Variants in MAX observed in about 807,000 individuals in gnomAD.
The protein encoded by MAX is MYC associated transcriptional regulator X.
A neutral mutation model predicts 22.3 loss-of-function variants in MAX; 3 were observed. That is an observed-to-expected ratio of 0.13 (90% CI 0.06 to 0.35). The LOEUF (loss-of-function observed/expected upper bound fraction) is 0.35, where lower values mean the gene tolerates loss of function less well. Among genes scored for constraint, MAX ranks in the 10% least tolerant of loss-of-function variants. MAX has a pLI of 1.00. For missense variants in MAX, 119 were observed against 209.4 expected (o/e 0.57, Z 2.66); for synonymous variants, 72 against 77.7 (o/e 0.93, Z 0.39).
intron 3 of MAX, among the ~76,000 whole-genome samples, chr14:65,087,712 C>T (rs1057510076): frequency 1.3e-4 from 20 of 152,138 alleles, no homozygotes; most frequent in Non-Finnish European, 8.8e-5. Flanking sequence ...CTTGTCTTGT[C>T]CCAGATGAGA....
intron 3 of MAX, among the ~76,000 whole-genome samples, chr14:65,052,281 C>A (rs138547754): frequency 4.2e-4 from 64 of 152,210 alleles, no homozygotes; most frequent in Non-Finnish European, 7.8e-4. Context: ...ATAAGCTACA[C>A]AGTTATAATA....
chr14:65,033,656 G>A (rs1417969557), intron 3 of MAX, among the ~76,000 whole-genome samples: 1 of 152,180 alleles, frequency 6.6e-6, no homozygotes, highest in Non-Finnish European at 1.5e-5. Flanking sequence ...AGGAAATCGA[G>A]ACCATCCTGG....
Position 65,054,139 on chromosome 14 carries a change from G to T in MAX, c.171+39569C>A, listed in dbSNP as rs2062675577. ...TTGTATTTTACTTTTTTGAGACAGG[G>T]TCTCACTCTGTCACCCAGGCTGGAG... On this transcript the variant is annotated intron_variant, in intron 3 of 3. Transcript: ENST00000341653. The surrounding 1 kb of genome is among the most constrained non-coding windows in gnomAD (Gnocchi z 4.4). Among the ~76,000 whole-genome samples, 2 of 151,868 alleles carry T rather than the reference G, an allele frequency of 1.3e-5. No homozygotes were observed. The highest frequency in any genetic ancestry group is 4.8e-5 in the African/African-American group (2 of 41,316).
At position 65,077,882 on chromosome 14, in the gene MAX, G is replaced by C. The variant is rs568585284; in HGVS notation, c.295+31C>G. 13 of 1,614,218 alleles carry C rather than the reference G, an allele frequency of 8.1e-6. No homozygotes were observed. Among genetic ancestry groups the C allele is most frequent in the Non-Finnish European group, 1.1e-5 (13 of 1,180,044 alleles). On this transcript the variant is annotated intron_variant, in intron 4 of 4. Transcript: ENST00000358664. This position sits in a 1 kb window ranked among gnomAD's most constrained non-coding sequence, Gnocchi z 6.3. ...GCCTGACCTGGCTGGAGCACAGCAG[G>C]GCCAGCTGCCCCACGAGCTCGGGTG...
intron 3 of MAX, among the ~76,000 whole-genome samples, chr14:65,026,184 TC>T (rs1238495622): frequency 1.3e-5 from 2 of 152,196 alleles, no homozygotes; most frequent in Admixed American, 6.5e-5. Flanking sequence ...TGGAGGTTTC[TC>T]CTGGCGGGAA....
chr14:65,009,981 C>G lies in MAX; in HGVS notation c.172-3697G>C. On this transcript the variant is annotated intron_variant, in intron 3 of 3. Transcript: ENST00000341653. This position sits in a 1 kb window ranked among gnomAD's most constrained non-coding sequence, Gnocchi z 4.2. ...CACTCTGCCCACACAGATGGGTGCT[C>G]CCTGCGTCCTGAGTGGACTTTCCTG... Among the ~76,000 whole-genome samples, 1 of 152,256 alleles carries G rather than the reference C, an allele frequency of 6.6e-6. No individual in the cohort carries two copies. Among genetic ancestry groups the G allele is most frequent in the Middle Eastern group, 3.4e-3 (1 of 294 alleles).
In MAX at chr14:65,102,383, G is replaced by C. The variant is rs748480738; in HGVS notation, c.-44C>G. On this transcript the variant is annotated 5_prime_UTR_variant, in exon 1 of 5. Coordinates refer to ENST00000358664, the MANE Select transcript of MAX (RefSeq NM_002382.5). ...CGGCCACTGCAGCGGCGGCGGGGAG[G>C]GGAAGGGGTGAAGGGGAGGGGGAAG... 3 of 1,607,104 alleles carry C rather than the reference G, an allele frequency of 1.9e-6. No homozygotes were observed. Among genetic ancestry groups the C allele is most frequent in the Admixed American group, 1.7e-5 (1 of 59,370 alleles).
At position 65,007,653 on chromosome 14, in the gene MAX, G is replaced by C. The variant is rs180822152; in HGVS notation, c.172-1369C>G. Among the ~76,000 whole-genome samples the C allele has an allele frequency of 2.8e-3, 424 of 152,256 alleles. 3 individuals are homozygous for C. Among genetic ancestry groups the C allele is most frequent in the African/African-American group, 9.5e-3 (396 of 41,538 alleles). On this transcript the variant is annotated intron_variant, in intron 3 of 3. Coordinates refer to the MAX transcript ENST00000341653. The surrounding 1 kb of genome is among the most constrained non-coding windows in gnomAD (Gnocchi z 4.9). ...CAGTCCCAAGGAGCTTTTTGACCAT[G>C]CTTTTCATGGTTTTGTTTATTCATG...
At position 65,007,713 on chromosome 14, in the gene MAX, T is replaced by A. The variant is rs931085871; in HGVS notation, c.172-1429A>T. Among the ~76,000 whole-genome samples the A allele has an allele frequency of 6.6e-6, 1 of 152,246 alleles. No individual in the cohort carries two copies. Among genetic ancestry groups the A allele is most frequent in the Non-Finnish European group, 1.5e-5 (1 of 68,044 alleles). ...CCATGAAAATTCATTTTTTCTTCCC[T>A]GTGGGTATTGTCACGGTTTCACACC... On this transcript the variant is annotated intron_variant, in intron 3 of 3. Coordinates refer to the MAX transcript ENST00000341653. The surrounding 1 kb of genome is among the most constrained non-coding windows in gnomAD (Gnocchi z 4.9).
intron 3 of MAX, among the ~76,000 whole-genome samples, chr14:65,039,198 G>A (rs961917979): frequency 2.6e-5 from 4 of 152,122 alleles, no homozygotes; most frequent in African/African-American, 9.7e-5. Context: ...GTGTCTGTAG[G>A]GTTTTTCCCT....
At chr14:65,101,686 G>GC (rs1023601404) in intron 1 of MAX, 114 bp from the exon 2 acceptor site, 12 of 778,928 alleles carry the variant, frequency 1.5e-5, no homozygotes, top group African/African-American at 3.5e-5. Context: ...TGGGGAGTCA[G>GC]CCCGACACCC....
intron 3 of MAX, among the ~76,000 whole-genome samples, chr14:65,050,742 T>C (rs74448447): frequency 6.6e-6 from 1 of 152,244 alleles, no homozygotes; most frequent in East Asian, 1.9e-4. Flanking sequence ...TCCACAGGGA[T>C]TGTGCTGAGA....
chr14:65,006,173 T>TG (rs56964460), downstream of MAX: 4 of 1,598,444 alleles, frequency 2.5e-6, no homozygotes, highest in Middle Eastern at 1.7e-4. Context: ...TTTTTTTTTT[T>TG]GCCACCATTT....
rs1025567342 is a variant in MAX at position 65,058,720 on chromosome 14, TTTC to T, written c.171+34985_171+34987del. Among the ~76,000 whole-genome samples, 173 of 152,338 alleles carry T rather than the reference TTTC, an allele frequency of 1.1e-3. 2 individuals are homozygous for T. Among genetic ancestry groups the T allele is most frequent in the African/African-American group, 3.8e-3 (156 of 41,574 alleles). ...TTGAATGCTTTCTCCGCATCTGATTTTTCTTCTTTAATATGATATGTTTCATTA... is the reference window on the plus strand; with the variant it reads ...TTGAATGCTTTCTCCGCATCTGATTTTTCTTTAATATGATATGTTTCATTA... On this transcript the variant is annotated intron_variant, in intron 3 of 3. Coordinates refer to the MAX transcript ENST00000341653.
chr14:65,094,396 A>G lies in MAX; in HGVS notation c.64-581T>C, dbSNP rs73272603. On this transcript the variant is annotated intron_variant, in intron 2 of 4. Transcript: ENST00000358664. ...TATAAAACCTAGATGCATGAATCTG[A>G]GATCATTATGACAGAGCTGATAAGA... is the stretch of plus-strand genomic sequence containing the variant. Among the ~76,000 whole-genome samples the G allele has an allele frequency of 6.9e-3, 1,045 of 152,366 alleles. 7 individuals carry two copies. Among genetic ancestry groups the G allele is most frequent in the African/African-American group, 0.024 (995 of 41,580 alleles).
At chr14:65,055,141 T>C (rs979898350) in intron 3 of MAX, among the ~76,000 whole-genome samples, 3 of 152,220 alleles carry the variant, frequency 2.0e-5, no homozygotes, top group African/African-American at 4.8e-5. Flanking sequence ...TCTGCCTCAG[T>C]GCCTTGTTCA....
In MAX at chr14:65,044,490, C is replaced by G; in HGVS notation, c.172-38206G>C. 1.3e-6 allele frequency: 2 copies of G among 1,572,176 alleles called. No homozygotes were observed. Among genetic ancestry groups the G allele is most frequent in the South Asian group, 2.4e-5 (2 of 84,280 alleles). On this transcript the variant is annotated intron_variant, in intron 3 of 3. Transcript: ENST00000341653. This position sits in a 1 kb window ranked among gnomAD's most constrained non-coding sequence, Gnocchi z 5.5. ...CTTGGGGCTGGATGATTTCCCTCCA[C>G]TACTCACAAAGTCTGGAAGCCCAGC... is the stretch of plus-strand genomic sequence containing the variant.
downstream of MAX, among the ~76,000 whole-genome samples, chr14:65,072,790 C>CGTA: frequency 6.6e-6 from 1 of 152,226 alleles, no homozygotes; most frequent in African/African-American, 2.4e-5. Flanking sequence ...TGGGCAGAGC[C>CGTA]TCACTCGAGT....
rs1282749348 is a variant in MAX, at chr14:65,069,143, G to C, written c.171+24565C>G. 6.6e-6 allele frequency among the ~76,000 whole-genome samples: 1 copy of C among 152,216 alleles called. No individual in the cohort carries two copies. Among genetic ancestry groups the C allele is most frequent in the Non-Finnish European group, 1.5e-5 (1 of 68,028 alleles). On this transcript the variant is annotated intron_variant, in intron 3 of 3. Transcript: ENST00000341653. The surrounding 1 kb of genome is among the most constrained non-coding windows in gnomAD (Gnocchi z 4.6). The stretch of plus-strand genomic sequence containing the variant: ...CTCCTCACTCTCTGGAGCAGTGGCT[G>C]CCATGTGCCTGGATACCAAGGGACC...
Sources: gnomAD v4.1 joint callset for allele counts (sites outside exome capture counted in the v4.1 genomes callset) on GRCh38, gnomAD v4.1.1 for gene constraint, Gnocchi (gnomAD v3.1) non-coding constraint, MANE v1.5 for transcripts, NCBI Gene and HGNC (gene_info 2026-07-23, HGNC 2026-07-21) for gene names.